CCDC66: variants seen among roughly 807,000 people sequenced by gnomAD.
CCDC66 encodes the protein coiled-coil domain containing 66, also known as coiled-coil domain-containing protein 66.
CCDC66 carries 133 observed loss-of-function variants against 128.3 expected under a neutral mutation model. That is an observed-to-expected ratio of 1.04 (90% CI 0.90 to 1.20). CCDC66 has a LOEUF of 1.20. Among genes scored for constraint, CCDC66 ranks in the 50% most tolerant of loss-of-function variants. The probability of loss-of-function intolerance (pLI) is 0.00; values close to 1 mark genes in which losing one functional copy is unlikely to be tolerated. For synonymous variants in CCDC66, 387 were observed against 357.0 expected, an observed-to-expected ratio of 1.08 and a Z score of -0.95; for missense variants, 1,126 against 1,075.5, an observed-to-expected ratio of 1.05 and a Z score of -0.66.
Position 56,557,274 on chromosome 3 carries a change from G to GTAAGCTGGGT in CCDC66, c.11+30_11+31insTTAAGCTGGG, listed in dbSNP as rs1030433059. On this transcript the variant is annotated intron_variant, in intron 1 of 17. Transcript: ENST00000394672. ...TTGGGGTAAGCAGGGGTAAGCTGGG[G>GTAAGCTGGGT]TAAGCTGGGGTAAGCAAGGTGGTCG... 1.9e-6 allele frequency: 3 copies of GTAAGCTGGGT among 1,550,538 alleles called. No homozygotes were observed. The African/African-American group carries it at 4.1e-5, about 21-fold the overall frequency.
intron 4 of CCDC66, among the ~76,000 whole-genome samples, chr3:56,565,361 C>T (rs983692189): frequency 2.6e-5 from 4 of 151,544 alleles, no homozygotes; most frequent in African/African-American, 9.7e-5. Context: ...GCAAGCTCTG[C>T]CTCCCGGGTT....
rs1306720900 is a variant in CCDC66, at chr3:56,615,231, A to T, written c.1670A>T (p.Gln557Leu). ...KQEQRIRELAQKGHDTSRLIK... is the reference protein window; with the variant it reads ...KQEQRIRELALKGHDTSRLIK... ...GAACAAAGAATCCGAGAATTGGCGC[A>T]AAAGGGACATGACACTTCTAGACTG... The change falls in exon 12 of 18, where the codon CAA becomes CTA. Residue 557 changes from glutamine (Q) to leucine (L), a missense_variant. Transcript: ENST00000394672. The T allele has an allele frequency of 6.2e-7, 1 of 1,614,080 alleles. No individual in the cohort carries two copies. Among genetic ancestry groups the T allele is most frequent in the Non-Finnish European group, 8.5e-7 (1 of 1,179,936 alleles).
In CCDC66 at chr3:56,564,122, A is replaced by G. The variant is rs267599912; in HGVS notation, c.541A>G (p.Lys181Glu). ...LSLTENGKEA[K>E]SQYSLYLNSI... ...CCTGACTGAGAATGGAAAGGAGGCA[A>G]AAAGTAAGATTTTTCTAAAGTTTTC... Residue 181 changes from lysine to glutamate, a missense_variant, in exon 4 of 18, where the codon AAA (lysine) becomes GAA (glutamate). Lys to Glu is a moderately conservative substitution (Grantham distance 56). Coordinates refer to ENST00000394672, the MANE Select transcript of CCDC66 (RefSeq NM_001141947.3). 1 of 1,583,982 alleles carries G rather than the reference A, an allele frequency of 6.3e-7. No homozygotes were observed. The highest frequency in any genetic ancestry group is 8.6e-7 in the Non-Finnish European group (1 of 1,167,644).
intron 12 of CCDC66, 159 bp downstream of exon 12, chr3:56,615,431 A>G (rs1296286445): frequency 2.9e-6 from 2 of 691,604 alleles, no homozygotes; most frequent in Non-Finnish European, 4.5e-6. Context: ...TTTTGTAGAC[A>G]TGGAATCTCG....
At chr3:56,615,353 C>T in intron 12 of CCDC66, 81 bp downstream of exon 12, 3 of 1,384,790 alleles carry the variant, frequency 2.2e-6, no homozygotes, top group Non-Finnish European at 2.9e-6. Flanking sequence ...TGTTTGGAGA[C>T]AAGGACTCAT....
chr3:56,595,434 T>C (rs933209801), intron 10 of CCDC66, among the ~76,000 whole-genome samples: 1 of 152,212 alleles, frequency 6.6e-6, no homozygotes, highest in African/African-American at 2.4e-5. Context: ...ATACCTATCA[T>C]TCCATTCTTT....
intron 7 of CCDC66, among the ~76,000 whole-genome samples, chr3:56,587,488 A>AC (rs2070005322): frequency 6.7e-6 from 1 of 149,592 alleles, no homozygotes. Flanking sequence ...CATGGCAGAA[A>AC]CAGGACCAAG....
chr3:56,614,148 T>C (rs757345053), intron 11 of CCDC66, among the ~76,000 whole-genome samples: 14 of 152,226 alleles, frequency 9.2e-5, no homozygotes, highest in Non-Finnish European at 1.9e-4. Context: ...TGTGAAGCTA[T>C]GTATGGAAAT....
intron 10 of CCDC66, among the ~76,000 whole-genome samples, chr3:56,609,023 G>A (rs1045088601): frequency 1.3e-5 from 2 of 152,136 alleles, no homozygotes; most frequent in Admixed American, 1.3e-4. Context: ...TTTATGGCCT[G>A]TCATATAGTC....
At chr3:56,560,706 C>A (rs1401254147) in intron 3 of CCDC66, among the ~76,000 whole-genome samples, 2 of 152,138 alleles carry the variant, frequency 1.3e-5, no homozygotes, top group African/African-American at 4.8e-5. Flanking sequence ...GGGGACAGAG[C>A]GAAATTCCTT....
At chr3:56,612,317 T>C (rs553058310) in intron 10 of CCDC66, among the ~76,000 whole-genome samples, 2 of 152,316 alleles carry the variant, frequency 1.3e-5, no homozygotes, top group East Asian at 3.9e-4. Flanking sequence ...ATTTCCTTGG[T>C]GGCTTAGGGT....
chr3:56,599,326 A>G (rs2072729237), intron 10 of CCDC66, among the ~76,000 whole-genome samples: 1 of 151,858 alleles, frequency 6.6e-6, no homozygotes, highest in Non-Finnish European at 1.5e-5. Context: ...TAGTCTATCA[A>G]GTAGCTTATT....
chr3:56,617,527 CAG>C lies in CCDC66; in HGVS notation c.2262_2263del (p.Gly755HisfsTer66), dbSNP rs749245582. ...KNNPGHLSQN[R>X]GISPEIFHSS... ...ATAATCCTGGGCACCTCTCTCAAAA[CAG>C]AGGCATTTCACCAGAAATTTTTCAT... On this transcript the variant is annotated frameshift_variant, in exon 14 of 18. Coordinates refer to ENST00000394672, the MANE Select transcript of CCDC66 (RefSeq NM_001141947.3). LOFTEE classifies it high-confidence loss of function. 8.1e-6 allele frequency: 13 copies of C among 1,612,126 alleles called. No homozygotes were observed. The Admixed American group carries it at 1.3e-4, about 17-fold the overall frequency.
chr3:56,569,327 C>T (rs544969369), intron 6 of CCDC66: 7 of 348,504 alleles, frequency 2.0e-5, no homozygotes, highest in African/African-American at 1.3e-4. Flanking sequence ...GCAGACTGTA[C>T]AAGCATGGTA....
At position 56,606,950 on chromosome 3, in the gene CCDC66, G is replaced by C. The variant is rs536477251; in HGVS notation, c.1405-6639G>C. The stretch of plus-strand genomic sequence containing the variant: ...TTGCTTTGTCGAAGATCAGTTGGCT[G>C]TAAGTATTTGGGTTTATTTCTGGGT... On this transcript the variant is annotated intron_variant, in intron 10 of 17. Coordinates refer to ENST00000394672, the MANE Select transcript of CCDC66 (RefSeq NM_001141947.3). Among the ~76,000 whole-genome samples, 3 of 152,282 alleles carry C rather than the reference G, an allele frequency of 2.0e-5. No homozygotes were observed. In the East Asian group the frequency reaches 5.8e-4, roughly 29 times the overall value.
intron 7 of CCDC66, among the ~76,000 whole-genome samples, chr3:56,588,102 T>C (rs180807698): frequency 1.7e-4 from 26 of 152,306 alleles, no homozygotes; most frequent in Middle Eastern, 3.4e-3. Context: ...TATGGATATA[T>C]GATGGAATCC....
intron 7 of CCDC66, among the ~76,000 whole-genome samples, chr3:56,578,140 T>C (rs1312726312): frequency 6.6e-6 from 1 of 151,832 alleles, no homozygotes; most frequent in Non-Finnish European, 1.5e-5. Flanking sequence ...ACATCCCTTG[T>C]AAGTTGTATT....
At chr3:56,603,969 T>C (rs1212612873) in intron 10 of CCDC66, among the ~76,000 whole-genome samples, 5 of 152,098 alleles carry the variant, frequency 3.3e-5, no homozygotes, top group Admixed American at 2.0e-4. Flanking sequence ...TCTGGGTGCT[T>C]CTGTTTTGGG....
At chr3:56,572,360 C>G (rs1444082924) in intron 7 of CCDC66, 1 of 1,289,484 alleles carries the variant, frequency 7.8e-7, no homozygotes. Flanking sequence ...CTATCACAGT[C>G]TCGTAGCCAG....
Sources: allele counts gnomAD v4.1 joint callset (sites outside exome capture counted in the v4.1 genomes callset), GRCh38; gene constraint gnomAD v4.1.1; transcripts MANE v1.5; gene names NCBI Gene and HGNC (gene_info 2026-07-23, HGNC 2026-07-21).